Variants in GM2A observed in about 807,000 individuals in gnomAD.
The protein encoded by GM2A is GM2 ganglioside activator.
GM2A carries 7 observed loss-of-function variants against 12.9 expected under a neutral mutation model. The observed-to-expected ratio is 0.54, with a 90% CI of 0.31 to 1.02. The LOEUF (loss-of-function observed/expected upper bound fraction) is 1.02. GM2A is among the 50% of genes least tolerant of loss of function. The probability of loss-of-function intolerance (pLI) is 0.05; values close to 1 mark genes in which losing one functional copy is unlikely to be tolerated. For missense variants in GM2A, 246 were observed against 241.0 expected, an observed-to-expected ratio of 1.02 and a Z score of -0.14; for synonymous variants, 101 against 96.0, an observed-to-expected ratio of 1.05 and a Z score of -0.30.
Position 151,267,734 on chromosome 5 carries a change from G to T in GM2A, c.*283G>T. 1 of 1,313,228 alleles carries T rather than the reference G, an allele frequency of 7.6e-7. No homozygotes were observed. Among genetic ancestry groups the T allele is most frequent in the East Asian group, 3.9e-5 (1 of 25,398 alleles). 81.3% of individuals were successfully genotyped at this position (1,313,228 alleles called of 1,614,324 possible). A position where few individuals can be genotyped will look rare whatever the true frequency, so the allele number is the denominator to read the frequency against. On this transcript the variant is annotated 3_prime_UTR_variant, in exon 4 of 4. Transcript: ENST00000357164. ...GTTAACATTCTCTCTAAAGAGCCTC[G>T]TTCATTTCCAAAGCAGTTAAGGAAT...
intron 3 of GM2A, 140 bp downstream of exon 3, chr5:151,267,053 T>C (rs1341042963): frequency 1.0e-5 from 9 of 870,974 alleles, no homozygotes; most frequent in African/African-American, 1.7e-5. Context: ...GAATCACTTA[T>C]CTTCCGGGAG....
In GM2A at chr5:151,267,377, A is replaced by T; in HGVS notation, c.508A>T (p.Ile170Leu). Residue 170 changes from isoleucine to leucine, a missense_variant, in exon 4 of 4, where the codon ATA (isoleucine) becomes TTA (leucine). Physicochemically the swap from Ile to Leu is conservative, Grantham distance 5. Transcript: ENST00000357164. ...TTGGCTCACCACCGGGAACTACCGC[A>T]TAGAGAGCGTCCTGAGCAGCAGTGG... ...PSWLTTGNYR[I>L]ESVLSSSGKR... 1 of 1,614,212 alleles carries T rather than the reference A, an allele frequency of 6.2e-7. No homozygotes were observed. The highest frequency in any genetic ancestry group is 8.5e-7 in the Non-Finnish European group (1 of 1,180,026).
At chr5:151,257,810 A>C (rs77398115) in intron 1 of GM2A, among the ~76,000 whole-genome samples, 1 of 152,136 alleles carries the variant, frequency 6.6e-6, no homozygotes, top group East Asian at 1.9e-4. Flanking sequence ...CTGCACTTAC[A>C]TGTCTGACTC....
chr5:151,253,893 C>G (rs547759659), intron 1 of GM2A, among the ~76,000 whole-genome samples: 2 of 152,192 alleles, frequency 1.3e-5, no homozygotes, highest in African/African-American at 4.8e-5. Context: ...ACTTCTCATT[C>G]ACACCGTGCT....
intron 2 of GM2A, among the ~76,000 whole-genome samples, chr5:151,264,981 C>CAA (rs796633790): frequency 8.2e-6 from 1 of 122,184 alleles, no homozygotes. Flanking sequence ...GACTCTGTCT[C>CAA]AAAAAAAAAA....
intron 1 of GM2A, among the ~76,000 whole-genome samples, chr5:151,257,422 C>A (rs1026942219): frequency 1.3e-5 from 2 of 152,150 alleles, no homozygotes; most frequent in Non-Finnish European, 2.9e-5. Context: ...ACCCCCACCC[C>A]CAGCCCAGAA....
At chr5:151,255,947 A>G (rs534731595) in intron 1 of GM2A, among the ~76,000 whole-genome samples, 1 of 152,296 alleles carries the variant, frequency 6.6e-6, no homozygotes, top group East Asian at 1.9e-4. Flanking sequence ...GCCCTGAGAC[A>G]TTATAAAGGT....
intron 1 of GM2A, among the ~76,000 whole-genome samples, chr5:151,259,028 G>A (rs991565114): frequency 6.6e-6 from 1 of 152,154 alleles, no homozygotes; most frequent in African/African-American, 2.4e-5. Flanking sequence ...GTGGAATCAG[G>A]AGACCTGGGG....
intron 2 of GM2A, among the ~76,000 whole-genome samples, chr5:151,260,734 A>G (rs1753781468): frequency 6.6e-6 from 1 of 152,246 alleles, no homozygotes; most frequent in South Asian, 2.1e-4. Context: ...ACAATTACAT[A>G]CATAACACAC....
At position 151,269,926 on chromosome 5, in the gene GM2A, A is replaced by T; in HGVS notation, c.*2475A>T. 8.6e-7 allele frequency: 1 copy of T among 1,168,432 alleles called. No homozygotes were observed. The highest frequency in any genetic ancestry group is 1.1e-6 in the Non-Finnish European group (1 of 942,458). 72.4% of individuals were successfully genotyped at this position (1,168,432 alleles called of 1,614,324 possible). On this transcript the variant is annotated 3_prime_UTR_variant, in exon 4 of 4. Transcript: ENST00000357164. The stretch of plus-strand genomic sequence containing the variant: ...CAACCCACGAGTTGACCACTTCCCA[A>T]TGCCGGGGATCTGACACCTCACCTG...
At chr5:151,254,967 G>T (rs890553457) in intron 1 of GM2A, among the ~76,000 whole-genome samples, 1 of 152,112 alleles carries the variant, frequency 6.6e-6, no homozygotes, top group African/African-American at 2.4e-5. Flanking sequence ...TCACATTGCA[G>T]TGTACCCCAT....
intron 2 of GM2A, among the ~76,000 whole-genome samples, chr5:151,266,244 G>A (rs1364751184): frequency 1.3e-5 from 2 of 152,068 alleles, no homozygotes; most frequent in Admixed American, 6.6e-5. Context: ...TTTGGGAGGT[G>A]GAGGTGGAAG....
intron 2 of GM2A, among the ~76,000 whole-genome samples, 184 bp from the exon 3 acceptor site, chr5:151,266,547 A>G (rs1006815036): frequency 4.6e-5 from 7 of 152,162 alleles, no homozygotes; most frequent in African/African-American, 1.4e-4. Context: ...ATAATACACT[A>G]TACTCACACA....
At chr5:151,266,174 A>G (rs553521935) in intron 2 of GM2A, among the ~76,000 whole-genome samples, 1 of 152,304 alleles carries the variant, frequency 6.6e-6, no homozygotes, top group South Asian at 2.1e-4. Context: ...GGTAGTGACT[A>G]CCTAAAGAAT....
In GM2A at chr5:151,269,017, C is replaced by G. The variant is rs1033838529; in HGVS notation, c.*1566C>G. 14 of 985,344 alleles carry G rather than the reference C, an allele frequency of 1.4e-5. No individual in the cohort carries two copies. The highest frequency in any genetic ancestry group is 1.7e-5 in the African/African-American group (1 of 57,232). 61.0% of individuals were successfully genotyped at this position (985,344 alleles called of 1,614,324 possible). A position where few individuals can be genotyped will look rare whatever the true frequency, so the allele number is the denominator to read the frequency against. ...CTGTGGGGATCACAAGGCTGCCTGC[C>G]TCAGTCTTGGAGTCCTGTTGGGTGA... On this transcript the variant is annotated 3_prime_UTR_variant, in exon 4 of 4. Coordinates refer to ENST00000357164, the MANE Select transcript of GM2A (RefSeq NM_000405.5).
At chr5:151,261,825 C>T (rs996082983) in intron 2 of GM2A, among the ~76,000 whole-genome samples, 1 of 152,254 alleles carries the variant, frequency 6.6e-6, no homozygotes, top group African/African-American at 2.4e-5. Flanking sequence ...CCACCTGCCT[C>T]AGCCTCCCAA....
chr5:151,255,841 G>C (rs536510342), intron 1 of GM2A, among the ~76,000 whole-genome samples: 1 of 152,284 alleles, frequency 6.6e-6, no homozygotes, highest in South Asian at 2.1e-4. Context: ...GGTGGAGTCT[G>C]GCTAGAGGCT....
In GM2A at chr5:151,266,801, G is replaced by A; in HGVS notation, c.314G>A (p.Ser105Asn). ...IKIPCTDYIG[S>N]CTFEHFCDVL... ...ATCCCATGCACAGACTACATTGGCA[G>A]CTGTACCTTTGAACACTTCTGTGAT... is the stretch of plus-strand genomic sequence containing the variant. Residue 105 changes from serine (S) to asparagine (N), a missense_variant, in exon 3 of 4, where the codon AGC becomes AAC. Transcript: ENST00000357164. 1 of 1,613,702 alleles carries A rather than the reference G, an allele frequency of 6.2e-7. No homozygotes were observed. Among genetic ancestry groups the A allele is most frequent in the South Asian group, 1.1e-5 (1 of 91,074 alleles).
intron 1 of GM2A, among the ~76,000 whole-genome samples, chr5:151,253,551 G>A (rs1238182743): frequency 6.6e-6 from 1 of 152,036 alleles, no homozygotes; most frequent in Non-Finnish European, 1.5e-5. Context: ...TCCAAGCGCC[G>A]GAGTGAAAAT....
Sources: allele counts gnomAD v4.1 joint callset (sites outside exome capture counted in the v4.1 genomes callset), GRCh38; gene constraint gnomAD v4.1.1; transcripts MANE v1.5; gene names NCBI Gene and HGNC (gene_info 2026-07-23, HGNC 2026-07-21).